Variants in FHIT observed in about 807,000 individuals in gnomAD.
The protein encoded by FHIT is bis(5'-adenosyl)-triphosphatase.
FHIT carries 19 observed loss-of-function variants against 17.9 expected under a neutral mutation model. The ratio of observed to expected loss-of-function variants is 1.06; its 90% CI spans 0.74 to 1.56. The LOEUF (loss-of-function observed/expected upper bound fraction) is 1.56. Among genes scored for constraint, FHIT ranks in the 40% most tolerant of loss-of-function variants. The pLI is 0.00. For synonymous variants in FHIT, 81 were observed against 69.7 expected (o/e 1.16, Z -0.81); for missense variants, 248 against 189.2 (o/e 1.31, Z -1.82).
At chr3:60,480,080 G>A (rs1380477790) in intron 5 of FHIT, among the ~76,000 whole-genome samples, 1 of 152,118 alleles carries the variant, frequency 6.6e-6, no homozygotes, top group Non-Finnish European at 1.5e-5. Context: ...CACATGGTTG[G>A]GGAGGCCTCA....
intron 1 of FHIT, among the ~76,000 whole-genome samples, chr3:61,242,621 C>G (rs974549722): frequency 1.7e-4 from 26 of 152,190 alleles, no homozygotes; most frequent in African/African-American, 5.8e-4. Flanking sequence ...GCAGAGCCGG[C>G]TGAACAGGAG....
At chr3:60,898,139 C>T (rs2107209731) in intron 3 of FHIT, among the ~76,000 whole-genome samples, 1 of 152,196 alleles carries the variant, frequency 6.6e-6, no homozygotes, top group East Asian at 1.9e-4. Flanking sequence ...ACTATACTTG[C>T]TATTTTGTAA....
At chr3:60,449,914 A>T (rs1263291872) in intron 5 of FHIT, among the ~76,000 whole-genome samples, 2 of 150,828 alleles carry the variant, frequency 1.3e-5, no homozygotes, top group Admixed American at 1.3e-4. Flanking sequence ...GAGGCAGGAG[A>T]ATCACTTGAA....
intron 8 of FHIT, among the ~76,000 whole-genome samples, chr3:59,848,258 C>T (rs1701795538): frequency 6.6e-6 from 1 of 152,122 alleles, no homozygotes; most frequent in Non-Finnish European, 1.5e-5. Flanking sequence ...GTGCCCCTTT[C>T]CCTGGAATAT....
chr3:60,426,076 G>T (rs1478848774), intron 5 of FHIT, among the ~76,000 whole-genome samples: 1 of 152,092 alleles, frequency 6.6e-6, no homozygotes, highest in African/African-American at 2.4e-5. Context: ...TTAATGCAAT[G>T]GTCAAGAGCC....
intron 1 of FHIT, among the ~76,000 whole-genome samples, chr3:61,222,893 T>C (rs1001859372): frequency 1.3e-5 from 2 of 152,208 alleles, no homozygotes; most frequent in African/African-American, 2.4e-5. Context: ...TAGTAAGTAA[T>C]ATTTGAGAGG....
At chr3:60,641,605 T>G (rs2039726453) in intron 4 of FHIT, among the ~76,000 whole-genome samples, 1 of 152,134 alleles carries the variant, frequency 6.6e-6, no homozygotes. Flanking sequence ...AACAGTGTCC[T>G]TCGTTTCTCC....
chr3:60,707,928 T>A (rs2041416138), intron 4 of FHIT, among the ~76,000 whole-genome samples: 1 of 152,236 alleles, frequency 6.6e-6, no homozygotes, highest in East Asian at 1.9e-4. Flanking sequence ...AGCTAGAGTT[T>A]TAAAACTCTG....
intron 7 of FHIT, among the ~76,000 whole-genome samples, chr3:59,952,853 T>A (rs1284510207): frequency 1.3e-5 from 2 of 152,086 alleles, no homozygotes; most frequent in Non-Finnish European, 2.9e-5. Flanking sequence ...AGCAAGATGC[T>A]CCCCTTGTGG....
chr3:60,860,900 T>C (rs1436830222), intron 3 of FHIT, among the ~76,000 whole-genome samples: 1 of 103,702 alleles, frequency 9.6e-6, no homozygotes, highest in African/African-American at 3.8e-5. Flanking sequence ...TATATACGTA[T>C]ATATCATGTA....
chr3:60,293,942 C>A (rs1028043251), intron 5 of FHIT, among the ~76,000 whole-genome samples: 1 of 152,022 alleles, frequency 6.6e-6, no homozygotes. Context: ...TCAGGAGGTG[C>A]CATGGAATTC....
intron 5 of FHIT, among the ~76,000 whole-genome samples, chr3:60,128,265 A>G (rs1705648723): frequency 6.6e-6 from 1 of 152,166 alleles, no homozygotes; most frequent in Non-Finnish European, 1.5e-5. Flanking sequence ...AGTGGGAGGT[A>G]ACTGAATCAT....
chr3:60,763,459 A>T (rs1041969342), intron 4 of FHIT, among the ~76,000 whole-genome samples: 44 of 152,190 alleles, frequency 2.9e-4, no homozygotes, highest in Admixed American at 2.9e-3. Flanking sequence ...ATAGCAGGCA[A>T]TGTGTGAAGC....
chr3:60,806,153 T>G (rs1240444364), intron 4 of FHIT, among the ~76,000 whole-genome samples: 6 of 152,192 alleles, frequency 3.9e-5, no homozygotes, highest in Admixed American at 6.5e-5. Context: ...CTATTTTATC[T>G]AGATGAAAAA....
rs782128824 is a variant in FHIT at position 60,902,384 on chromosome 3, T to G, written c.-110-80373A>C. 9.2e-5 allele frequency among the ~76,000 whole-genome samples: 14 copies of G among 152,340 alleles called. No individual in the cohort carries two copies. The South Asian group carries it at 1.2e-3, about 14-fold the overall frequency. ...ATTTTATGGATATACCACAGTTTAT[T>G]TATCCATGGTAATAGGATTTGGATT... On this transcript the variant is annotated intron_variant, in intron 3 of 9. Transcript: ENST00000492590.
chr3:59,884,366 C>T (rs1224373616), intron 8 of FHIT, among the ~76,000 whole-genome samples: 1 of 152,088 alleles, frequency 6.6e-6, no homozygotes, highest in Non-Finnish European at 1.5e-5. Context: ...TACACACATA[C>T]ATACACACAC....
intron 3 of FHIT, among the ~76,000 whole-genome samples, chr3:60,976,887 T>G (rs528717908): frequency 6.6e-6 from 1 of 152,294 alleles, no homozygotes; most frequent in Admixed American, 6.5e-5. Context: ...ACTTGTTTTT[T>G]TTTTTTTATT....
intron 5 of FHIT, among the ~76,000 whole-genome samples, chr3:60,483,482 G>A (rs184731374): frequency 4.5e-4 from 68 of 152,250 alleles, no homozygotes; most frequent in Middle Eastern, 3.4e-3. Flanking sequence ...TATCCACCAC[G>A]ATCAAGTCAG....
rs569555643 is a variant in FHIT, at chr3:60,910,554, G to A, written c.-110-88543C>T. ...AGCCTCCCGAGTAGCTGGGACTACAGGCGCCCACCACCACGCCCGGCTAAT... is the reference window on the plus strand; with the variant it reads ...AGCCTCCCGAGTAGCTGGGACTACAAGCGCCCACCACCACGCCCGGCTAAT... On this transcript the variant is annotated intron_variant, in intron 3 of 9. Coordinates refer to ENST00000492590, the MANE Select transcript of FHIT (RefSeq NM_002012.4). Among the ~76,000 whole-genome samples the A allele has an allele frequency of 2.0e-5, 3 of 152,104 alleles. No homozygotes were observed. The South Asian group carries it at 6.2e-4, about 32-fold the overall frequency.
Sources: gnomAD v4.1 joint callset for allele counts (sites outside exome capture counted in the v4.1 genomes callset) on GRCh38, gnomAD v4.1.1 for gene constraint, MANE v1.5 for transcripts, NCBI Gene and HGNC (gene_info 2026-07-23, HGNC 2026-07-21) for gene names.